The following ABCA5 variants were observed in gnomAD, a reference collection of about 807,000 sequenced individuals.
ABCA5 encodes the protein ATP binding cassette subfamily A member 5.
ABCA5 carries 163 observed loss-of-function variants against 206.0 expected under a neutral mutation model. That is an observed-to-expected ratio of 0.79 (90% CI 0.70 to 0.90). The LOEUF (loss-of-function observed/expected upper bound fraction) is 0.90, where lower values mean the gene tolerates loss of function less well. Among genes scored for constraint, ABCA5 ranks in the 40% least tolerant of loss-of-function variants. The probability of loss-of-function intolerance (pLI) is 0.00; values close to 1 mark genes in which losing one functional copy is unlikely to be tolerated. For synonymous variants in ABCA5, 609 were observed against 613.8 expected (o/e 0.99, Z 0.11); for missense variants, 1,859 against 1,912.9 (o/e 0.97, Z 0.53).
intron 18 of ABCA5, among the ~76,000 whole-genome samples, chr17:69,280,813 T>C (rs2144960356): frequency 6.6e-6 from 1 of 152,074 alleles, no homozygotes; most frequent in South Asian, 2.1e-4. Flanking sequence ...ATATTCTCAC[T>C]CATAGGTGGG....
intron 1 of ABCA5, among the ~76,000 whole-genome samples, chr17:69,315,634 T>C (rs1436398491): frequency 6.6e-6 from 1 of 151,914 alleles, no homozygotes; most frequent in African/African-American, 2.4e-5. Context: ...AATATAAAAA[T>C]TAGCTGGGTG....
intron 13 of ABCA5, 138 bp downstream of exon 13, chr17:69,289,723 CT>C: frequency 1.4e-6 from 1 of 701,940 alleles, no homozygotes; most frequent in Non-Finnish European, 2.2e-6. Flanking sequence ...CTGTCTAATT[CT>C]TTGTAATAGC....
At position 69,286,217 on chromosome 17, in the gene ABCA5, A is replaced by G; in HGVS notation, c.2132+4T>C. 6.2e-6 allele frequency: 10 copies of G among 1,601,090 alleles called. No individual in the cohort carries two copies. Among genetic ancestry groups the G allele is most frequent in the Non-Finnish European group, 8.5e-6 (10 of 1,175,330 alleles). ...AGAATAATGTCAATAAAAATGAATG[A>G]TACCTCAGGCGGTAGCCGATCCCCC... On this transcript the variant is annotated splice_donor_region_variant and intron_variant, in intron 16 of 38. Transcript: ENST00000392676.
intron 23 of ABCA5, among the ~76,000 whole-genome samples, chr17:69,265,315 C>A (rs1237023482): frequency 6.6e-6 from 1 of 152,132 alleles, no homozygotes; most frequent in East Asian, 1.9e-4. Context: ...TAAAAATGAA[C>A]CTTTCATAAA....
intron 19 of ABCA5, 64 bp downstream of exon 19, chr17:69,277,577 G>T: frequency 7.7e-7 from 1 of 1,304,494 alleles, no homozygotes; most frequent in Non-Finnish European, 1.0e-6. Context: ...AAATTAAGAT[G>T]GTAAAACCAA....
chr17:69,273,430 A>C (rs2075294733), intron 20 of ABCA5, among the ~76,000 whole-genome samples: 1 of 109,192 alleles, frequency 9.2e-6, no homozygotes, highest in East Asian at 2.2e-4. Flanking sequence ...TATTATACAA[A>C]GTATAAATTT....
rs1269190720 is a variant in ABCA5 at position 69,246,242 on chromosome 17, A to C, written c.*1295T>G. Reference sequence around the variant, plus strand: ...CTGAAAGGTTTTGCTTATTTAAAGTAATTCAGTACCAAATCCTTCTGTCAT... The same window carrying C: ...CTGAAAGGTTTTGCTTATTTAAAGTCATTCAGTACCAAATCCTTCTGTCAT... On this transcript the variant is annotated 3_prime_UTR_variant, in exon 39 of 39. Transcript: ENST00000392676. 6.6e-6 allele frequency: 1 copy of C among 152,036 alleles called. No homozygotes were observed. Among genetic ancestry groups the C allele is most frequent in the African/African-American group, 2.4e-5 (1 of 41,462 alleles). 9.4% of individuals were successfully genotyped at this position (152,036 alleles called of 1,614,324 possible). A position where few individuals can be genotyped will look rare whatever the true frequency, so the allele number is the denominator to read the frequency against.
At chr17:69,279,862 C>G (rs1309890226) in intron 18 of ABCA5, among the ~76,000 whole-genome samples, 1 of 152,162 alleles carries the variant, frequency 6.6e-6, no homozygotes, top group East Asian at 1.9e-4. Context: ...CCCTTCCTTA[C>G]ACCTTGTACA....
chr17:69,306,661 T>C, intron 6 of ABCA5, 64 bp downstream of exon 6: 1 of 829,978 alleles, frequency 1.2e-6, no homozygotes, highest in Non-Finnish European at 1.6e-6. Context: ...AATTACAATT[T>C]TGAAAATCTG....
intron 19 of ABCA5, 93 bp downstream of exon 19, chr17:69,277,548 A>T: frequency 1.0e-6 from 1 of 961,520 alleles, no homozygotes; most frequent in Non-Finnish European, 1.5e-6. Context: ...TAAATTATTT[A>T]CATATGTTAA....
chr17:69,294,672 T>G lies in ABCA5; in HGVS notation c.1478A>C (p.Asn493Thr). The change falls in exon 11 of 39, where the codon AAT becomes ACT. Residue 493 changes from asparagine (N) to threonine (T), a missense_variant. Physicochemically the swap from Asn to Thr is moderately conservative, Grantham distance 65. Coordinates refer to ENST00000392676, the MANE Select transcript of ABCA5 (RefSeq NM_172232.4). The stretch of plus-strand genomic sequence containing the variant: ...CTACTTACTTCTCAAAGCCTCCACA[T>G]TTTCACCCTTCTTTCTGTATGTCTT... ...IQKTYRKKGE[N>T]VEALRNLSFD... is the part of the protein sequence containing the mutation. 2 of 1,605,910 alleles carry G rather than the reference T, an allele frequency of 1.2e-6. No homozygotes were observed. Among genetic ancestry groups the G allele is most frequent in the East Asian group, 2.2e-5 (1 of 44,680 alleles).
chr17:69,297,466 C>T lies in ABCA5; in HGVS notation c.1268-107G>A, dbSNP rs1002420339. On this transcript the variant is annotated intron_variant, in intron 9 of 38. Coordinates refer to ENST00000392676, the MANE Select transcript of ABCA5 (RefSeq NM_172232.4). The stretch of plus-strand genomic sequence containing the variant: ...TGCATCTAAAGTTTAGGTACCATTC[C>T]GCAACATATATATATTTCCAAACAT... 2.4e-5 allele frequency: 22 copies of T among 908,348 alleles called. No individual in the cohort carries two copies. In the Admixed American group the frequency reaches 3.4e-4, roughly 14 times the overall value. The allele number at this position is 908,348 out of a possible 1,614,324, so 56.3% of individuals were successfully genotyped here.
At chr17:69,301,499 A>G (rs908149307) in intron 8 of ABCA5, among the ~76,000 whole-genome samples, 2 of 152,158 alleles carry the variant, frequency 1.3e-5, no homozygotes, top group Non-Finnish European at 1.5e-5. Context: ...ATTCCTTTCA[A>G]TCATGTTTTT....
chr17:69,288,405 A>C (rs2075484564), intron 14 of ABCA5, among the ~76,000 whole-genome samples: 1 of 152,220 alleles, frequency 6.6e-6, no homozygotes, highest in Non-Finnish European at 1.5e-5. Context: ...CAGGACAGTG[A>C]TAAACTGAAT....
At chr17:69,322,136 C>G (rs1222776502) in intron 1 of ABCA5, among the ~76,000 whole-genome samples, 1 of 152,028 alleles carries the variant, frequency 6.6e-6, no homozygotes, top group Non-Finnish European at 1.5e-5. Context: ...CTTTGGGAGG[C>G]TGAGGCGGGA....
chr17:69,259,579 TG>T, intron 28 of ABCA5, 126 bp downstream of exon 28: 1 of 546,416 alleles, frequency 1.8e-6, no homozygotes, highest in Non-Finnish European at 3.2e-6. Flanking sequence ...GATAAGAAAG[TG>T]GCTGTTAATG....
chr17:69,318,298 T>C (rs1274126143), intron 1 of ABCA5, among the ~76,000 whole-genome samples: 2 of 152,126 alleles, frequency 1.3e-5, no homozygotes, highest in Non-Finnish European at 2.9e-5. Context: ...TTTCACCATG[T>C]TGGTCAGACT....
chr17:69,298,072 G>C (rs979367055), intron 9 of ABCA5, among the ~76,000 whole-genome samples: 3 of 152,014 alleles, frequency 2.0e-5, no homozygotes, highest in Non-Finnish European at 2.9e-5. Flanking sequence ...TGTAGTCCCA[G>C]CTACCTGGGA....
At position 69,290,044 on chromosome 17, in the gene ABCA5, G is replaced by A; in HGVS notation, c.1607-7C>T. On this transcript the variant is annotated splice_polypyrimidine_tract_variant and splice_region_variant and intron_variant, in intron 12 of 38. Transcript: ENST00000392676. ...CCATATATAGATGCAAACCCTAAAA[G>A]CAAAATATATATTTAAATGTACATT... is the stretch of plus-strand genomic sequence containing the variant. 1 of 1,529,000 alleles carries A rather than the reference G, an allele frequency of 6.5e-7. No individual in the cohort carries two copies. Among genetic ancestry groups the A allele is most frequent in the Non-Finnish European group, 8.8e-7 (1 of 1,133,580 alleles). 94.7% of individuals were successfully genotyped at this position (1,529,000 alleles called of 1,614,324 possible).
Sources: allele counts gnomAD v4.1 joint callset (sites outside exome capture counted in the v4.1 genomes callset), GRCh38; gene constraint gnomAD v4.1.1; transcripts MANE v1.5; gene names NCBI Gene and HGNC (gene_info 2026-07-23, HGNC 2026-07-21).